MICU3: variants seen among roughly 807,000 people sequenced by gnomAD.
MICU3 encodes the protein mitochondrial calcium uptake 3.
A neutral mutation model predicts 66.5 loss-of-function variants in MICU3; 62 were observed. The observed-to-expected ratio is 0.93, with a 90% CI of 0.76 to 1.15. The LOEUF is 1.15. MICU3 is among the 50% of genes most tolerant of loss of function. The probability of loss-of-function intolerance (pLI) is 0.00; values close to 1 mark genes in which losing one functional copy is unlikely to be tolerated. For synonymous variants in MICU3, 308 were observed against 240.7 expected (o/e 1.28, Z -2.59); for missense variants, 779 against 664.4 (o/e 1.17, Z -1.90).
chr8:17,113,676 T>G (rs1020164928), intron 11 of MICU3, among the ~76,000 whole-genome samples: 4 of 152,256 alleles, frequency 2.6e-5, no homozygotes, highest in African/African-American at 9.6e-5. Flanking sequence ...GAATTCCATT[T>G]GAGGAATACA....
intron 1 of MICU3, among the ~76,000 whole-genome samples, chr8:17,046,891 C>A: frequency 6.6e-6 from 1 of 151,996 alleles, no homozygotes; most frequent in South Asian, 2.1e-4. Context: ...TTAGAAGTTA[C>A]ATTACCCAAG....
intron 8 of MICU3, among the ~76,000 whole-genome samples, chr8:17,096,046 C>G (rs1220794379): frequency 2.6e-5 from 4 of 151,882 alleles, no homozygotes; most frequent in African/African-American, 9.7e-5. Flanking sequence ...ATTCTTTTAC[C>G]TCTTTTAATG....
chr8:17,108,513 C>T (rs1459306039), intron 11 of MICU3, among the ~76,000 whole-genome samples: 1 of 152,066 alleles, frequency 6.6e-6, no homozygotes, highest in East Asian at 1.9e-4. Context: ...CATAGGACTT[C>T]GGTTCTTCTT....
At chr8:17,076,639 T>G (rs1379600869) in intron 3 of MICU3, among the ~76,000 whole-genome samples, 2 of 152,232 alleles carry the variant, frequency 1.3e-5, no homozygotes, top group African/African-American at 2.4e-5. Flanking sequence ...GCTTTGCAGT[T>G]AAACAAAAAT....
At chr8:17,066,505 A>G (rs1818700721) in intron 2 of MICU3, among the ~76,000 whole-genome samples, 3 of 132,202 alleles carry the variant, frequency 2.3e-5, no homozygotes, top group Admixed American at 1.6e-4. Flanking sequence ...TCTTTAAGTG[A>G]TTGTTAATAA....
chr8:17,110,642 T>C (rs6587017), intron 11 of MICU3, among the ~76,000 whole-genome samples: 97,611 of 151,970 alleles, frequency 0.64, 33,097 homozygotes, highest in African/African-American at 0.86. Context: ...TAGGTCACTG[T>C]AGCCCCGAAC....
chr8:17,089,783 G>A (rs1287355537), intron 7 of MICU3, among the ~76,000 whole-genome samples: 1 of 152,014 alleles, frequency 6.6e-6, no homozygotes, highest in African/African-American at 2.4e-5. Flanking sequence ...ACTTAACCAT[G>A]TGAAATGTAA....
chr8:17,064,241 A>T lies in MICU3; in HGVS notation c.535+4A>T. The T allele has an allele frequency of 1.2e-6, 2 of 1,600,504 alleles. No homozygotes were observed. The highest frequency in any genetic ancestry group is 1.7e-6 in the Non-Finnish European group (2 of 1,174,390). Reference sequence around the variant, plus strand: ...GTTACAACAGATGAGCCCAAAGGTAAGTACACTTTTGAAATTATCTTAATA... The same window carrying T: ...GTTACAACAGATGAGCCCAAAGGTATGTACACTTTTGAAATTATCTTAATA... On this transcript the variant is annotated splice_donor_region_variant and intron_variant, in intron 2 of 14. Coordinates refer to ENST00000318063, the MANE Select transcript of MICU3 (RefSeq NM_181723.3).
chr8:17,075,277 A>G (rs1282028420), intron 3 of MICU3, among the ~76,000 whole-genome samples: 1 of 152,142 alleles, frequency 6.6e-6, no homozygotes, highest in Non-Finnish European at 1.5e-5. Context: ...TTAGGGTTTC[A>G]TTACATAGGC....
chr8:17,077,811 C>T lies in MICU3; in HGVS notation c.596C>T (p.Pro199Leu). 6.2e-7 allele frequency: 1 copy of T among 1,611,406 alleles called. No homozygotes were observed. Among genetic ancestry groups the T allele is most frequent in the African/African-American group, 1.3e-5 (1 of 74,910 alleles). The change falls in exon 4 of 15, where the codon CCA becomes CTA. Residue 199 changes from proline (P) to leucine (L), a missense_variant. By Grantham distance (98) the Pro-to-Leu change is moderately conservative. Coordinates refer to ENST00000318063, the MANE Select transcript of MICU3 (RefSeq NM_181723.3). ...TTAAATCAAATGCTCGCAGAAACAC[C>T]ACCAGTTTGGAAAGGCTCATCGAAG... is the stretch of plus-strand genomic sequence containing the variant. Reference protein sequence around the residue: ...QELNQMLAETPPVWKGSSKLF... With the variant: ...QELNQMLAETLPVWKGSSKLF...
chr8:17,110,394 C>T (rs1187243449), intron 11 of MICU3, among the ~76,000 whole-genome samples: 3 of 152,040 alleles, frequency 2.0e-5, no homozygotes, highest in South Asian at 2.1e-4. Flanking sequence ...AAGTAAGCCC[C>T]GTACCTATGA....
chr8:17,134,723 C>T, the MICU3 span, among the ~76,000 whole-genome samples: 24 of 152,230 alleles, frequency 1.6e-4, 1 homozygote, highest in East Asian at 4.3e-3. Flanking sequence ...GGATCATAGG[C>T]GTGAGCCACC....
intron 3 of MICU3, among the ~76,000 whole-genome samples, chr8:17,075,098 C>T (rs1031152601): frequency 1.3e-5 from 2 of 152,056 alleles, no homozygotes; most frequent in African/African-American, 4.8e-5. Flanking sequence ...AGATAGAATA[C>T]AGAGTAAGAC....
At chr8:17,068,035 G>A (rs1320524093) in intron 2 of MICU3, among the ~76,000 whole-genome samples, 2 of 151,944 alleles carry the variant, frequency 1.3e-5, no homozygotes, top group East Asian at 1.9e-4. Context: ...ATAGCATCAA[G>A]AATTATTTTA....
rs529996101 is a variant in MICU3 at position 17,064,247 on chromosome 8, C to G, written c.535+10C>G. The G allele has an allele frequency of 2.0e-5, 32 of 1,593,310 alleles. No homozygotes were observed. In the South Asian group the frequency reaches 2.8e-4, roughly 14 times the overall value. ...ACAGATGAGCCCAAAGGTAAGTACA[C>G]TTTTGAAATTATCTTAATAATTGTA... On this transcript the variant is annotated intron_variant, in intron 2 of 14. Coordinates refer to ENST00000318063, the MANE Select transcript of MICU3 (RefSeq NM_181723.3).
chr8:17,044,875 T>A (rs558625601), intron 1 of MICU3, among the ~76,000 whole-genome samples: 2 of 152,332 alleles, frequency 1.3e-5, no homozygotes, highest in East Asian at 3.9e-4. Flanking sequence ...TCCTTACCTA[T>A]GCTCCTGGAG....
At chr8:17,134,415 C>T in the MICU3 span, among the ~76,000 whole-genome samples, 1 of 150,102 alleles carries the variant, frequency 6.7e-6, no homozygotes, top group Non-Finnish European at 1.5e-5. Context: ...TTGTCTTACT[C>T]AGAAGAAAGT....
chr8:17,049,314 G>A (rs1421452309), intron 1 of MICU3, among the ~76,000 whole-genome samples: 1 of 152,142 alleles, frequency 6.6e-6, no homozygotes, highest in African/African-American at 2.4e-5. Flanking sequence ...CATATTTGGA[G>A]AATATCTAAC....
the MICU3 span, among the ~76,000 whole-genome samples, chr8:17,128,372 G>A: frequency 6.6e-6 from 1 of 152,206 alleles, no homozygotes; most frequent in East Asian, 1.9e-4. Flanking sequence ...GCCACTATGA[G>A]TGAAAATCAA....
Sources: gnomAD v4.1 joint callset for allele counts (sites outside exome capture counted in the v4.1 genomes callset) on GRCh38, gnomAD v4.1.1 for gene constraint, MANE v1.5 for transcripts, NCBI Gene and HGNC (gene_info 2026-07-23, HGNC 2026-07-21) for gene names.